LANCL2: variants seen among roughly 807,000 people sequenced by gnomAD.
LANCL2 encodes the protein LanC like glutathione S-transferase 2.
Under a neutral mutation model 56.9 loss-of-function variants are expected in LANCL2, and 33 were observed. That is an observed-to-expected ratio of 0.58 (90% confidence interval 0.44 to 0.78). The LOEUF (loss-of-function observed/expected upper bound fraction) is 0.78, where lower values mean the gene tolerates loss of function less well. Ranked by LOEUF, LANCL2 falls within the 30% of genes least tolerant of loss-of-function variation. The pLI is 0.00. For missense variants in LANCL2, 562 were observed against 580.2 expected (o/e 0.97, Z 0.32); for synonymous variants, 233 against 228.2 (o/e 1.02, Z -0.19).
At chr7:55,408,732 C>T (rs1351595758) in intron 5 of LANCL2, among the ~76,000 whole-genome samples, 1 of 151,696 alleles carries the variant, frequency 6.6e-6, no homozygotes. Flanking sequence ...TACCAGTTTC[C>T]TACACAATGA....
intron 6 of LANCL2, among the ~76,000 whole-genome samples, chr7:55,421,423 C>G (rs969225875): frequency 6.7e-6 from 1 of 149,560 alleles, no homozygotes; most frequent in Admixed American, 6.7e-5. Context: ...ACTGCAACCT[C>G]CGCCTCCTGG....
At chr7:55,367,750 G>A (rs1283341791) in intron 1 of LANCL2, among the ~76,000 whole-genome samples, 2 of 152,132 alleles carry the variant, frequency 1.3e-5, no homozygotes, top group African/African-American at 4.8e-5. Flanking sequence ...GCAAACCTGT[G>A]GGAACAAGTC....
chr7:55,406,007 T>G (rs986073733), intron 5 of LANCL2, among the ~76,000 whole-genome samples: 3 of 152,186 alleles, frequency 2.0e-5, no homozygotes, highest in East Asian at 3.8e-4. Flanking sequence ...TTGTTTCTCA[T>G]ACAGGGTTAC....
intron 5 of LANCL2, among the ~76,000 whole-genome samples, chr7:55,406,539 C>T (rs1009440907): frequency 6.6e-6 from 1 of 152,178 alleles, no homozygotes; most frequent in Non-Finnish European, 1.5e-5. Context: ...TGACTGGGAG[C>T]TTAGCTTCAA....
At chr7:55,412,227 C>G in intron 6 of LANCL2, 138 bp downstream of exon 6, 1 of 772,492 alleles carries the variant, frequency 1.3e-6, no homozygotes, top group Non-Finnish European at 2.0e-6. Flanking sequence ...AAAATAAAGT[C>G]TCTGTATTTT....
At chr7:55,403,784 C>G (rs1041132476) in intron 5 of LANCL2, among the ~76,000 whole-genome samples, 2 of 151,902 alleles carry the variant, frequency 1.3e-5, no homozygotes, top group African/African-American at 4.8e-5. Context: ...ATCGGCCAGG[C>G]TGGTCTCAAA....
chr7:55,378,026 A>G (rs1486365043), intron 1 of LANCL2, among the ~76,000 whole-genome samples: 1 of 152,234 alleles, frequency 6.6e-6, no homozygotes, highest in African/African-American at 2.4e-5. Context: ...CAAGAGCTTT[A>G]TCTCTCAATT....
chr7:55,369,265 C>T (rs1358366697), intron 1 of LANCL2, among the ~76,000 whole-genome samples: 1 of 152,184 alleles, frequency 6.6e-6, no homozygotes, highest in Non-Finnish European at 1.5e-5. Flanking sequence ...GTAAGTTAAG[C>T]ATTGAATAAT....
chr7:55,400,009 GA>G lies in LANCL2; in HGVS notation c.584del (p.Glu195GlyfsTer16), dbSNP rs1370076244. 6.2e-7 allele frequency: 1 copy of G among 1,613,832 alleles called. No homozygotes were observed. Among genetic ancestry groups the G allele is most frequent in the Admixed American group, 1.7e-5 (1 of 60,000 alleles). On this transcript the variant is annotated frameshift_variant, in exon 4 of 9. Coordinates refer to ENST00000254770, the MANE Select transcript of LANCL2 (RefSeq NM_018697.4). LOFTEE classifies it high-confidence loss of function. ...VVCQESDLPD[E>X]LLYGRAGYLY... ...CTGCCAAGAATCAGACCTTCCTGAT[GA>G]GCTGCTTTATGGACGGGCAGGTTAT...
intron 1 of LANCL2, among the ~76,000 whole-genome samples, chr7:55,381,864 G>A (rs1790072876): frequency 6.6e-6 from 1 of 152,212 alleles, no homozygotes. Context: ...CAGGGACTTT[G>A]AGTGTCTGGG....
chr7:55,410,580 C>T (rs73346418), intron 5 of LANCL2, among the ~76,000 whole-genome samples: 2,751 of 152,272 alleles, frequency 0.018, 82 homozygotes, highest in African/African-American at 0.061. Context: ...GAGTACTTTA[C>T]GTCACCCCTG....
Position 55,412,025 on chromosome 7 carries a change from AC to A in LANCL2, c.946del (p.Arg316GlyfsTer29). 1 of 1,614,214 alleles carries A rather than the reference AC, an allele frequency of 6.2e-7. No individual in the cohort carries two copies. The highest frequency in any genetic ancestry group is 1.1e-5 in the South Asian group (1 of 91,086). The stretch of plus-strand genomic sequence containing the variant: ...CCATCATCATTAAGCAATGAAACAG[AC>A]CGGCTGGTGCACTGGTGCCACGGCG... ...NYPSSLSNET[D>X]RLVHWCHGAP... On this transcript the variant is annotated frameshift_variant, in exon 6 of 9. Transcript: ENST00000254770. LOFTEE classifies it high-confidence loss of function.
At chr7:55,382,224 C>T (rs1269867660) in intron 1 of LANCL2, among the ~76,000 whole-genome samples, 1 of 152,030 alleles carries the variant, frequency 6.6e-6, no homozygotes, top group Non-Finnish European at 1.5e-5. Flanking sequence ...TGCTATAACC[C>T]TCCTCCATGA....
intron 2 of LANCL2, 121 bp downstream of exon 2, chr7:55,392,031 G>T (rs200460807): frequency 1.1e-5 from 6 of 567,546 alleles, no homozygotes; most frequent in Non-Finnish European, 1.9e-5. Flanking sequence ...GGTGGCTGAC[G>T]CCTGTAATCC....
chr7:55,403,058 A>T (rs1241956691), intron 5 of LANCL2, among the ~76,000 whole-genome samples: 1 of 152,054 alleles, frequency 6.6e-6, no homozygotes, highest in Non-Finnish European at 1.5e-5. Flanking sequence ...AGAGGCTGCA[A>T]TCTCGGCACT....
intron 6 of LANCL2, among the ~76,000 whole-genome samples, chr7:55,412,337 C>A (rs1263614870): frequency 6.6e-6 from 1 of 152,148 alleles, no homozygotes; most frequent in Admixed American, 6.5e-5. Context: ...AAAAGAAAAC[C>A]TAGATGACAG....
At chr7:55,403,640 C>T (rs1370715343) in intron 5 of LANCL2, among the ~76,000 whole-genome samples, 3 of 134,388 alleles carry the variant, frequency 2.2e-5, no homozygotes, top group Non-Finnish European at 3.1e-5. Context: ...GGTGTGATCT[C>T]GGCTCACTGC....
At chr7:55,376,937 C>T (rs569067138) in intron 1 of LANCL2, among the ~76,000 whole-genome samples, 13 of 152,254 alleles carry the variant, frequency 8.5e-5, no homozygotes, top group African/African-American at 2.9e-4. Context: ...TTCTTCCTCA[C>T]CTATTTCAAA....
intron 2 of LANCL2, among the ~76,000 whole-genome samples, chr7:55,392,950 T>C (rs1790209334): frequency 6.6e-6 from 1 of 152,220 alleles, no homozygotes; most frequent in Non-Finnish European, 1.5e-5. Context: ...CTGCCTGTAC[T>C]CATTTGACTC....
Sources: allele counts gnomAD v4.1 joint callset (sites outside exome capture counted in the v4.1 genomes callset), GRCh38; gene constraint gnomAD v4.1.1; transcripts MANE v1.5; gene names NCBI Gene and HGNC (gene_info 2026-07-23, HGNC 2026-07-21).